COL4A2: variants seen among roughly 807,000 people sequenced by gnomAD.
COL4A2 encodes collagen alpha-2(IV) chain.
In COL4A2, 99 loss-of-function variants were observed where a neutral mutation model predicts 200.2. The observed-to-expected ratio is 0.49, with a 90% confidence interval of 0.42 to 0.58. The LOEUF is 0.58. Ranked by LOEUF, COL4A2 falls within the 20% of genes least tolerant of loss-of-function variation. The probability of loss-of-function intolerance (pLI) is 0.00; values close to 1 mark genes in which losing one functional copy is unlikely to be tolerated. For synonymous variants in COL4A2, 897 were observed against 900.6 expected (o/e 1.00, Z 0.07); for missense variants, 1,950 against 2,314.1 (o/e 0.84, Z 3.23).
intron 3 of COL4A2, among the ~76,000 whole-genome samples, chr13:110,342,993 A>C (rs1408345839): frequency 6.6e-6 from 1 of 152,178 alleles, no homozygotes; most frequent in African/African-American, 2.4e-5. Context: ...CACACTCAGG[A>C]GACTCTAAAA....
intron 39 of COL4A2, among the ~76,000 whole-genome samples, chr13:110,493,812 C>T (rs559834219): frequency 1.9e-5 from 2 of 105,328 alleles, no homozygotes; most frequent in South Asian, 7.9e-4. Context: ...CCAGCGTGGT[C>T]GGGTTCTGGG....
chr13:110,477,964 A>G (rs1342109609), intron 29 of COL4A2, 39 bp from the exon 30 acceptor site: 3 of 1,510,102 alleles, frequency 2.0e-6, no homozygotes, highest in South Asian at 2.6e-5. Context: ...TGAACAGTCC[A>G]GAGTTGGCCC....
At chr13:110,478,314 T>A in intron 30 of COL4A2, 150 bp downstream of exon 30, 1 of 652,298 alleles carries the variant, frequency 1.5e-6, no homozygotes, top group Non-Finnish European at 2.4e-6. Context: ...GTATTTCACC[T>A]AATAAGGAGA....
chr13:110,482,684 C>T, intron 32 of COL4A2, 25 bp downstream of exon 32: 3 of 1,605,646 alleles, frequency 1.9e-6, no homozygotes, highest in Non-Finnish European at 2.6e-6. Flanking sequence ...TAACATCCTC[C>T]TTACCTGGTC....
rs759411600 is a variant in COL4A2 at position 110,432,338 on chromosome 13, C to T, written c.662C>T (p.Pro221Leu). Residue 221 changes from proline (P) to leucine (L), a missense_variant, in exon 11 of 48, where the codon CCC becomes CTC. Transcript: ENST00000360467. ...GAPGRPGPPG[P>L]PGPKGQQGNR... ...GTATTTGTACAGGGACCACCTGGAC[C>T]CCCTGGACCAAAAGGACAGCAAGTA... The T allele has an allele frequency of 1.9e-6, 3 of 1,610,150 alleles. No homozygotes were observed. The East Asian group carries it at 6.7e-5, about 36-fold the overall frequency.
chr13:110,377,591 G>A (rs9521728), intron 4 of COL4A2, among the ~76,000 whole-genome samples: 148,398 of 152,370 alleles, frequency 0.97, 72,284 homozygotes, highest in East Asian at 0.98. Flanking sequence ...TTGTGATTCC[G>A]TTAAAATCAT....
At position 110,462,511 on chromosome 13, in the gene COL4A2, TTC is replaced by T. The variant is rs1339887455; in HGVS notation, c.1776+129_1776+130del. The T allele has an allele frequency of 5.1e-6, 4 of 788,784 alleles. No individual in the cohort carries two copies. The East Asian group carries it at 1.1e-4, about 21-fold the overall frequency. The allele number at this position is 788,784 out of a possible 1,614,324, so 48.9% of individuals were successfully genotyped here. ...ACCTGTGCATAGGACAGGCTGCTCA[TTC>T]TGCTCATTCTATTTCTAATGAGCAG... On this transcript the variant is annotated intron_variant, in intron 24 of 47. Transcript: ENST00000360467.
At chr13:110,505,224 C>A in intron 45 of COL4A2, among the ~76,000 whole-genome samples, 1 of 152,024 alleles carries the variant, frequency 6.6e-6, no homozygotes, top group East Asian at 1.9e-4. Flanking sequence ...GTGGCGGGCG[C>A]CAGTAGTCCC....
At chr13:110,491,205 G>A (rs966287126) in intron 36 of COL4A2, 28 bp from the exon 37 acceptor site, 2 of 1,532,072 alleles carry the variant, frequency 1.3e-6, no homozygotes, top group South Asian at 2.4e-5. Flanking sequence ...GTGTCTGTTT[G>A]TTCCAAGCAG....
chr13:110,456,732 CCT>C, intron 20 of COL4A2: 1 of 471,874 alleles, frequency 2.1e-6, no homozygotes, highest in South Asian at 1.6e-5. Context: ...GTGCCCATGC[CCT>C]GTGTCTGGGG....
At chr13:110,435,913 G>A (rs946171528) in intron 12 of COL4A2, among the ~76,000 whole-genome samples, 1 of 151,902 alleles carries the variant, frequency 6.6e-6, no homozygotes, top group Non-Finnish European at 1.5e-5. Context: ...TTGGCAACCA[G>A]TAGAGTAATA....
intron 4 of COL4A2, among the ~76,000 whole-genome samples, chr13:110,362,576 C>T (rs904886946): frequency 6.6e-6 from 1 of 152,144 alleles, no homozygotes; most frequent in Non-Finnish European, 1.5e-5. Context: ...CCACCTCAGC[C>T]TCCCAAACTT....
chr13:110,450,469 A>C lies in COL4A2; in HGVS notation c.1339+15A>C, dbSNP rs758608366. The C allele has an allele frequency of 6.2e-7, 1 of 1,613,066 alleles. No individual in the cohort carries two copies. The highest frequency in any genetic ancestry group is 1.1e-5 in the South Asian group (1 of 91,072). ...TGGACCTGATGGTGAGTGGAGGGAA[A>C]CAAAAGGGAGGGTGTAGCCTAATGT... On this transcript the variant is annotated intron_variant, in intron 20 of 47. Transcript: ENST00000360467.
chr13:110,469,983 C>T (rs959257958), intron 28 of COL4A2, among the ~76,000 whole-genome samples: 1 of 141,542 alleles, frequency 7.1e-6, no homozygotes, highest in Non-Finnish European at 1.5e-5. Context: ...GGCACAATCT[C>T]AGCTCACTGC....
rs549664513 is a variant in COL4A2, at chr13:110,494,699, G to A, written c.3635-643G>A. 7.7e-5 allele frequency among the ~76,000 whole-genome samples: 10 copies of A among 129,672 alleles called. No individual in the cohort carries two copies. In the South Asian group the frequency reaches 1.5e-3, roughly 20 times the overall value. The allele number at this position is 129,672 out of a possible 152,430, so 85.1% of individuals were successfully genotyped here. ...AGCCTGGGCAACAGAGCGAGACTCC[G>A]TCTTAAAAAAAAAAAAAATTAACAC... On this transcript the variant is annotated intron_variant, in intron 39 of 47. Transcript: ENST00000360467.
intron 3 of COL4A2, among the ~76,000 whole-genome samples, chr13:110,353,375 G>A (rs986577041): frequency 6.6e-6 from 1 of 152,186 alleles, no homozygotes; most frequent in Non-Finnish European, 1.5e-5. Context: ...TTTGATTTGC[G>A]TTAAGCAGTA....
At chr13:110,466,961 T>C (rs1269976588) in intron 26 of COL4A2, 79 bp from the exon 27 acceptor site, 203 of 1,583,478 alleles carry the variant, frequency 1.3e-4, no homozygotes, top group Non-Finnish European at 1.7e-4. Flanking sequence ...CTCGTGCTTT[T>C]GCCCTTGGGG....
Position 110,473,069 on chromosome 13 carries a change from G to C in COL4A2, c.2344G>C (p.Gly782Arg). 4 of 1,536,962 alleles carry C rather than the reference G, an allele frequency of 2.6e-6. No individual in the cohort carries two copies. The highest frequency in any genetic ancestry group is 3.5e-6 in the Non-Finnish European group (4 of 1,141,838). ...LPGEVLGAQP[G>R]PRGDAGVPGQ... ...TGGAGAAGTCCTGGGAGCTCAGCCC[G>C]GGCCACGGGGAGATGCTGGTGTGCC... is the stretch of plus-strand genomic sequence containing the variant. Residue 782 changes from glycine to arginine, a missense_variant, in exon 29 of 48, where the codon GGG (glycine) becomes CGG (arginine). Gly to Arg is a moderately radical substitution (Grantham distance 125). Around this residue, in one of 2 missense-constraint regions of COL4A2, gnomAD observed 1,385 missense variants for 1,720.5 expected, o/e 0.80. Coordinates refer to ENST00000360467, the MANE Select transcript of COL4A2 (RefSeq NM_001846.4).
chr13:110,321,017 T>C (rs751724348), intron 3 of COL4A2, among the ~76,000 whole-genome samples: 14 of 152,204 alleles, frequency 9.2e-5, no homozygotes, highest in Non-Finnish European at 1.6e-4. Flanking sequence ...ATTTCATGTG[T>C]TTAAAAACTA....
Sources: gnomAD v4.1 joint callset for allele counts (sites outside exome capture counted in the v4.1 genomes callset) on GRCh38, gnomAD v4.1.1 for gene constraint, gnomAD v4.1.1 regional missense constraint, MANE v1.5 for transcripts, NCBI Gene and HGNC (gene_info 2026-07-23, HGNC 2026-07-21) for gene names.